The following TAB2 variants were observed in gnomAD, a reference collection of about 807,000 sequenced individuals.
TAB2 encodes TGF-beta-activated kinase 1 and MAP3K7-binding protein 2.
Under a neutral mutation model 65.0 loss-of-function variants are expected in TAB2, and 3 were observed. The ratio of observed to expected loss-of-function variants is 0.05; its 90% CI spans 0.02 to 0.12. The LOEUF (loss-of-function observed/expected upper bound fraction) is 0.12, where lower values mean the gene tolerates loss of function less well. Ranked by LOEUF, TAB2 falls within the 10% of genes least tolerant of loss-of-function variation. The pLI is 1.00. For synonymous variants in TAB2, 298 were observed against 285.1 expected, an observed-to-expected ratio of 1.05 and a Z score of -0.46; for missense variants, 623 against 840.3, an observed-to-expected ratio of 0.74 and a Z score of 3.20.
intron 1 of TAB2, among the ~76,000 whole-genome samples, chr6:149,334,210 A>C (rs2114760643): frequency 6.6e-6 from 1 of 152,172 alleles, no homozygotes; most frequent in African/African-American, 2.4e-5. Flanking sequence ...TAAATTCTTC[A>C]TCCTCAGGTC....
chr6:149,291,053 A>T (rs1778767701), intron 1 of TAB2, among the ~76,000 whole-genome samples: 3 of 152,206 alleles, frequency 2.0e-5, no homozygotes, highest in African/African-American at 7.2e-5. Flanking sequence ...AAATAATGGG[A>T]TGTAAATTGA....
intron 1 of TAB2, among the ~76,000 whole-genome samples, chr6:149,296,794 G>T (rs1778884209): frequency 6.6e-6 from 1 of 152,196 alleles, no homozygotes; most frequent in African/African-American, 2.4e-5. Context: ...ATCTTCAGAG[G>T]TTAACTAGCT....
intron 1 of TAB2, among the ~76,000 whole-genome samples, chr6:149,346,959 T>C (rs1228232690): frequency 6.6e-6 from 1 of 152,212 alleles, no homozygotes; most frequent in Non-Finnish European, 1.5e-5. Flanking sequence ...GAACTTATTA[T>C]CATACTTAGC....
chr6:149,252,302 G>A (rs893062209), intron 1 of TAB2, among the ~76,000 whole-genome samples: 1 of 152,014 alleles, frequency 6.6e-6, no homozygotes, highest in African/African-American at 2.4e-5. Flanking sequence ...CTACTCGGGA[G>A]GCTGAGGGCA....
At chr6:149,267,620 A>G (rs113678583) in intron 1 of TAB2, among the ~76,000 whole-genome samples, 6 of 152,170 alleles carry the variant, frequency 3.9e-5, no homozygotes, top group African/African-American at 1.4e-4. Context: ...GTCAGGTGTC[A>G]CTAACAACAG....
intron 1 of TAB2, among the ~76,000 whole-genome samples, chr6:149,259,509 C>T (rs1401824866): frequency 6.6e-6 from 1 of 152,190 alleles, no homozygotes; most frequent in African/African-American, 2.4e-5. Context: ...ATCTCCACAT[C>T]ACCTAATTTA....
chr6:149,335,375 A>G lies in TAB2; in HGVS notation c.-90+17360A>G, dbSNP rs368209682. Reference sequence around the variant, plus strand: ...TATAACATATATATAATATTTACATACATATATTTGAGACAGGGTATTACT... The same window carrying G: ...TATAACATATATATAATATTTACATGCATATATTTGAGACAGGGTATTACT... On this transcript the variant is annotated intron_variant, in intron 1 of 6. Transcript: ENST00000637181. 1.7e-3 allele frequency among the ~76,000 whole-genome samples: 253 copies of G among 151,672 alleles called. 1 individual carries two copies. The highest frequency in any genetic ancestry group is 3.0e-3 in the Admixed American group (46 of 15,184).
At chr6:149,349,252 C>G (rs570895028) in intron 1 of TAB2, among the ~76,000 whole-genome samples, 2 of 151,738 alleles carry the variant, frequency 1.3e-5, no homozygotes, top group South Asian at 2.1e-4. Context: ...AACCCCGTCT[C>G]TACTAAAAAT....
intron 1 of TAB2, chr6:149,346,447 A>AC (rs1206841467): frequency 9.3e-6 from 1 of 107,496 alleles, no homozygotes; most frequent in Non-Finnish European, 1.8e-5. Flanking sequence ...AGTTGGTGAA[A>AC]CTTTTTTTTT....
intron 1 of TAB2, among the ~76,000 whole-genome samples, chr6:149,253,679 T>A (rs1019297120): frequency 6.8e-6 from 1 of 146,110 alleles, no homozygotes; most frequent in African/African-American, 2.5e-5. Context: ...ATCCTAGCAC[T>A]TTGGGAGGCT....
At chr6:149,327,109 TATACAG>T (rs1438957537) in intron 1 of TAB2, among the ~76,000 whole-genome samples, 1 of 152,198 alleles carries the variant, frequency 6.6e-6, no homozygotes, top group African/African-American at 2.4e-5. Flanking sequence ...CAAAGCCTAT[TATACAG>T]ATATTTGCTT....
chr6:149,310,207 G>A (rs965759581), intron 1 of TAB2, among the ~76,000 whole-genome samples: 8 of 151,952 alleles, frequency 5.3e-5, no homozygotes, highest in South Asian at 2.1e-4. Context: ...CTGATAGCAT[G>A]CCACCTGTGG....
chr6:149,251,571 G>T, intron 1 of TAB2, among the ~76,000 whole-genome samples: 1 of 152,156 alleles, frequency 6.6e-6, no homozygotes, highest in East Asian at 1.9e-4. Flanking sequence ...ACCCATGGCA[G>T]TTCCACACAC....
chr6:149,254,115 A>G (rs372284021), intron 1 of TAB2, among the ~76,000 whole-genome samples: 5 of 136,152 alleles, frequency 3.7e-5, no homozygotes, highest in Non-Finnish European at 4.9e-5. Flanking sequence ...GGAAGGAAGG[A>G]CAGGGAAGGG....
At chr6:149,284,666 AC>A (rs1778637156) in intron 1 of TAB2, among the ~76,000 whole-genome samples, 1 of 103,506 alleles carries the variant, frequency 9.7e-6, no homozygotes, top group Non-Finnish European at 2.2e-5. Context: ...ACACACACAC[AC>A]ACACACACAC....
At chr6:149,402,858 T>G (rs1286766800) in intron 6 of TAB2, among the ~76,000 whole-genome samples, 3 of 152,190 alleles carry the variant, frequency 2.0e-5, no homozygotes, top group Admixed American at 1.3e-4. Context: ...GCACACACAT[T>G]GAAGTAAAAT....
chr6:149,237,686 T>G (rs1459831343), intron 1 of TAB2, among the ~76,000 whole-genome samples: 1 of 151,902 alleles, frequency 6.6e-6, no homozygotes, highest in Non-Finnish European at 1.5e-5. Flanking sequence ...AGAACTCACC[T>G]CTCCTGGAAC....
Position 149,250,058 on chromosome 6 carries a change from T to C in TAB2, c.-121+31282T>C, listed in dbSNP as rs148723091. ...GGCATTCCAGGGAGAGGAGGCAACA[T>C]AGCAAAACTCAATGAGAAGGGCGTG... On this transcript the variant is annotated intron_variant, in intron 1 of 1. Transcript: ENST00000606202. 2.1e-3 allele frequency among the ~76,000 whole-genome samples: 317 copies of C among 152,024 alleles called. 1 individual carries two copies. Among genetic ancestry groups the C allele is most frequent in the Middle Eastern group, 0.014 (4 of 294 alleles).
intron 1 of TAB2, among the ~76,000 whole-genome samples, chr6:149,356,418 C>G (rs1008015690): frequency 6.6e-6 from 1 of 152,072 alleles, no homozygotes; most frequent in Non-Finnish European, 1.5e-5. Flanking sequence ...AACAAAATAC[C>G]ATAAACTAGG....
Sources: allele counts gnomAD v4.1 joint callset (sites outside exome capture counted in the v4.1 genomes callset), GRCh38; gene constraint gnomAD v4.1.1; transcripts MANE v1.5; gene names NCBI Gene and HGNC (gene_info 2026-07-23, HGNC 2026-07-21).